The following CACNA1D variants were observed in gnomAD, a reference collection of about 807,000 sequenced individuals.
The protein encoded by CACNA1D is voltage-dependent L-type calcium channel subunit alpha-1D.
In CACNA1D, 55 loss-of-function variants were observed where a neutral mutation model predicts 257.1. The ratio of observed to expected loss-of-function variants is 0.21; its 90% CI spans 0.17 to 0.27. The LOEUF (loss-of-function observed/expected upper bound fraction) is 0.27, where lower values mean the gene tolerates loss of function less well. Among genes scored for constraint, CACNA1D ranks in the 10% least tolerant of loss-of-function variants. CACNA1D has a pLI of 1.00. For missense variants in CACNA1D, 1,876 were observed against 2,784.0 expected (o/e 0.67, Z 7.34); for synonymous variants, 980 against 1,014.9 (o/e 0.97, Z 0.65).
chr3:53,676,643 C>A (rs1302212133), intron 8 of CACNA1D, among the ~76,000 whole-genome samples: 1 of 152,194 alleles, frequency 6.6e-6, no homozygotes, highest in African/African-American at 2.4e-5. Context: ...TTGGAAATAC[C>A]TGTATCTGTT....
Position 53,716,475 on chromosome 3 carries a change from G to A in CACNA1D, c.1391-1826G>A, listed in dbSNP as rs563543699. 3.3e-5 allele frequency among the ~76,000 whole-genome samples: 5 copies of A among 152,300 alleles called. No individual in the cohort carries two copies. The South Asian group carries it at 6.2e-4, about 19-fold the overall frequency. On this transcript the variant is annotated intron_variant, in intron 9 of 47. Coordinates refer to ENST00000350061, the MANE Select transcript of CACNA1D (RefSeq NM_001128840.3). ...TGCTGAATCAGAGTGAGGAACAGTCGAGGAGAATTGCATGAGTAGCTTCTT... is the reference window on the plus strand; with the variant it reads ...TGCTGAATCAGAGTGAGGAACAGTCAAGGAGAATTGCATGAGTAGCTTCTT...
At chr3:53,662,064 G>T (rs996153854) in intron 5 of CACNA1D, among the ~76,000 whole-genome samples, 1 of 152,158 alleles carries the variant, frequency 6.6e-6, no homozygotes, top group Admixed American at 6.5e-5. Flanking sequence ...GGCAGCCGTG[G>T]CCTGCTGATT....
At chr3:53,727,139 C>A in intron 15 of CACNA1D, 140 bp downstream of exon 15, 1 of 994,356 alleles carries the variant, frequency 1.0e-6, no homozygotes, top group East Asian at 2.4e-5. Context: ...AGCTCAATAT[C>A]TGCTTTTCTT....
chr3:53,570,669 T>C (rs993246048), intron 3 of CACNA1D, among the ~76,000 whole-genome samples: 1 of 152,212 alleles, frequency 6.6e-6, no homozygotes, highest in African/African-American at 2.4e-5. Context: ...TACACATCCG[T>C]GTGTGCCCAA....
At position 53,538,141 on chromosome 3, in the gene CACNA1D, G is replaced by GTTTTTTTTTTTTTTT. The variant is rs538996336; in HGVS notation, c.483+36433_483+36447dup. 3.5e-4 allele frequency among the ~76,000 whole-genome samples: 32 copies of GTTTTTTTTTTTTTTT among 90,464 alleles called. 4 individuals carry two copies. Among genetic ancestry groups the GTTTTTTTTTTTTTTT allele is most frequent in the African/African-American group, 1.9e-3 (31 of 16,670 alleles). The allele number at this position is 90,464 out of a possible 152,430, so 59.3% of individuals were successfully genotyped here. A position where few individuals can be genotyped will look rare whatever the true frequency, so the allele number is the denominator to read the frequency against. ...TTCTCCATATTTACCAGTTTTTGAA[G>GTTTTTTTTTTTTTTT]TTTTTTTTTTTTTTTTTTTTTTTTT... is the stretch of plus-strand genomic sequence containing the variant. On this transcript the variant is annotated intron_variant, in intron 3 of 47. Coordinates refer to ENST00000350061, the MANE Select transcript of CACNA1D (RefSeq NM_001128840.3).
chr3:53,639,316 T>C (rs1440359486), intron 3 of CACNA1D, among the ~76,000 whole-genome samples: 1 of 151,894 alleles, frequency 6.6e-6, no homozygotes, highest in Non-Finnish European at 1.5e-5. Flanking sequence ...AAGTGATAAC[T>C]GTCCAGGCAT....
intron 27 of CACNA1D, among the ~76,000 whole-genome samples, chr3:53,750,222 G>A (rs1417184960): frequency 2.0e-5 from 3 of 152,172 alleles, no homozygotes; most frequent in Non-Finnish European, 4.4e-5. Flanking sequence ...CTGTGCTCTG[G>A]GCTATCTTCC....
chr3:53,740,349 T>C lies in CACNA1D; in HGVS notation c.2811+10T>C. 6.3e-7 allele frequency: 1 copy of C among 1,593,918 alleles called. No individual in the cohort carries two copies. Among genetic ancestry groups the C allele is most frequent in the Non-Finnish European group, 8.6e-7 (1 of 1,161,616 alleles). ...TGAGATCCTGTTGAAGGTAATGAATTTTCCTTGATCTTCACATACTCCACA... is the reference window on the plus strand; with the variant it reads ...TGAGATCCTGTTGAAGGTAATGAATCTTCCTTGATCTTCACATACTCCACA... On this transcript the variant is annotated intron_variant, in intron 21 of 47. Transcript: ENST00000350061.
At chr3:53,686,591 A>G (rs895157753) in intron 8 of CACNA1D, among the ~76,000 whole-genome samples, 3 of 152,132 alleles carry the variant, frequency 2.0e-5, no homozygotes, top group African/African-American at 7.2e-5. Flanking sequence ...CGATCACCTC[A>G]GTAAATGCAG....
intron 3 of CACNA1D, among the ~76,000 whole-genome samples, chr3:53,611,186 C>G (rs2093578843): frequency 6.6e-6 from 1 of 152,108 alleles, no homozygotes; most frequent in South Asian, 2.1e-4. Flanking sequence ...CAAGACCAGC[C>G]TAGCACAGGC....
intron 4 of CACNA1D, among the ~76,000 whole-genome samples, chr3:53,657,786 A>T (rs1489692034): frequency 6.6e-6 from 1 of 152,244 alleles, no homozygotes; most frequent in Non-Finnish European, 1.5e-5. Flanking sequence ...GGATTTTTCC[A>T]TTCCAACAGT....
chr3:53,778,716 G>T (rs185415322), intron 37 of CACNA1D, among the ~76,000 whole-genome samples: 1 of 152,296 alleles, frequency 6.6e-6, no homozygotes, highest in Admixed American at 6.5e-5. Flanking sequence ...CAGAGAGGGT[G>T]TACCTCACCC....
intron 3 of CACNA1D, among the ~76,000 whole-genome samples, chr3:53,598,809 G>C (rs1363689638): frequency 6.6e-6 from 1 of 152,196 alleles, no homozygotes. Flanking sequence ...GGCAAAGCGG[G>C]ATGTGCCCAT....
chr3:53,591,746 C>T (rs114201352), intron 3 of CACNA1D, among the ~76,000 whole-genome samples: 2,264 of 152,254 alleles, frequency 0.015, 50 homozygotes, highest in African/African-American at 0.051. Context: ...CTACACAAAG[C>T]GTAGAAGAAC....
intron 3 of CACNA1D, among the ~76,000 whole-genome samples, chr3:53,541,501 G>A (rs1339779365): frequency 2.0e-5 from 3 of 152,136 alleles, no homozygotes; most frequent in African/African-American, 7.2e-5. Flanking sequence ...TGAAATGGGC[G>A]CGGAGAAGCC....
intron 3 of CACNA1D, 90 bp from the exon 4 acceptor site, chr3:53,650,689 G>C: frequency 7.7e-7 from 1 of 1,294,316 alleles, no homozygotes; most frequent in East Asian, 2.3e-5. Context: ...ATATGTCTAA[G>C]GTGTTGATTC....
intron 19 of CACNA1D, 80 bp downstream of exon 19, chr3:53,733,042 G>T (rs2095014902): frequency 2.1e-6 from 3 of 1,454,300 alleles, no homozygotes; most frequent in Non-Finnish European, 2.9e-6. Context: ...CTCGGGTGGG[G>T]GTGAGGGGAA....
intron 35 of CACNA1D, 76 bp from the exon 36 acceptor site, chr3:53,776,527 C>G: frequency 2.5e-6 from 4 of 1,570,562 alleles, no homozygotes; most frequent in Non-Finnish European, 3.5e-6. Context: ...ATGTCCATGT[C>G]ATTAGAAAGC....
Position 53,809,995 on chromosome 3 carries a change from C to A in CACNA1D, c.5889C>A (p.Gly1963=). ...LMQQQIMAVA[G]LDSSKAQKYS... ...TTCCTCAGATCATGGCAGTTGCCGG[C>A]CTAGATTCAAGTAAAGCCCAGAAGT... is the stretch of plus-strand genomic sequence containing the variant. Residue 1963 remains glycine, a synonymous_variant, in exon 47 of 48, where the codon GGC becomes GGA. Transcript: ENST00000350061. The A allele has an allele frequency of 6.2e-7, 1 of 1,614,066 alleles. No individual in the cohort carries two copies. Among genetic ancestry groups the A allele is most frequent in the Non-Finnish European group, 8.5e-7 (1 of 1,180,030 alleles).
Sources: allele counts gnomAD v4.1 joint callset (sites outside exome capture counted in the v4.1 genomes callset), GRCh38; gene constraint gnomAD v4.1.1; transcripts MANE v1.5; gene names NCBI Gene and HGNC (gene_info 2026-07-23, HGNC 2026-07-21).